SPHKAP: variants seen among roughly 807,000 people sequenced by gnomAD.
The protein encoded by SPHKAP is SPHK1 interactor, AKAP domain containing, also known as A-kinase anchor protein SPHKAP.
In SPHKAP, 67 loss-of-function variants were observed where a neutral mutation model predicts 137.5. That is an observed-to-expected ratio of 0.49 (90% CI 0.40 to 0.60). SPHKAP has a LOEUF of 0.60. Ranked by LOEUF, SPHKAP falls within the 20% of genes least tolerant of loss-of-function variation. SPHKAP has a pLI of 0.00. For synonymous variants in SPHKAP, 813 were observed against 785.3 expected (o/e 1.04, Z -0.59); for missense variants, 2,097 against 2,069.3 (o/e 1.01, Z -0.26).
At chr2:228,081,174 T>C (rs1352735495) in intron 3 of SPHKAP, among the ~76,000 whole-genome samples, 1 of 152,240 alleles carries the variant, frequency 6.6e-6, no homozygotes, top group East Asian at 1.9e-4. Context: ...ATGTTCACCT[T>C]ATCTTATGTA....
intron 1 of SPHKAP, among the ~76,000 whole-genome samples, chr2:228,150,224 A>C (rs1307230863): frequency 1.3e-5 from 2 of 152,090 alleles, no homozygotes; most frequent in Non-Finnish European, 2.9e-5. Context: ...CCAACTTTCT[A>C]ATATTTTGGT....
chr2:228,179,744 C>T (rs748760303), intron 1 of SPHKAP, among the ~76,000 whole-genome samples: 1 of 152,142 alleles, frequency 6.6e-6, no homozygotes, highest in Non-Finnish European at 1.5e-5. Flanking sequence ...TTGCTTTGCT[C>T]TTTATAAGGT....
intron 7 of SPHKAP, among the ~76,000 whole-genome samples, chr2:228,011,205 C>T (rs1474897524): frequency 1.3e-5 from 2 of 149,584 alleles, no homozygotes; most frequent in Non-Finnish European, 3.0e-5. Flanking sequence ...TCCTCGTATC[C>T]AGAGCTTGAA....
chr2:227,994,633 C>A (rs942358386), intron 8 of SPHKAP, among the ~76,000 whole-genome samples: 5 of 152,156 alleles, frequency 3.3e-5, no homozygotes, highest in Non-Finnish European at 7.4e-5. Flanking sequence ...CAGGCATATT[C>A]ATGTATTGAA....
At chr2:228,132,843 C>CAAAA (rs1313392929) in intron 1 of SPHKAP, among the ~76,000 whole-genome samples, 2 of 126,264 alleles carry the variant, frequency 1.6e-5, no homozygotes, top group South Asian at 2.5e-4. Flanking sequence ...ACTAAAAATA[C>CAAAA]AAAAAAAAAA....
intron 4 of SPHKAP, chr2:228,025,961 T>C (rs1394102173): frequency 1.5e-6 from 1 of 671,168 alleles, no homozygotes; most frequent in Non-Finnish European, 1.8e-6. Flanking sequence ...CCACGTGTTG[T>C]GGGAGGGACC....
At chr2:228,084,351 G>A (rs1574834701) in intron 3 of SPHKAP, among the ~76,000 whole-genome samples, 1 of 152,058 alleles carries the variant, frequency 6.6e-6, no homozygotes, top group Non-Finnish European at 1.5e-5. Flanking sequence ...ACTACAAACC[G>A]AAAGGTCATC....
Position 228,016,599 on chromosome 2 carries a change from G to A in SPHKAP, c.4255C>T (p.Arg1419Ter), listed in dbSNP as rs752474867. The change falls in exon 7 of 12, where the codon CGA (arginine) becomes TGA (stop). Residue 1419 changes from arginine (R) to a stop codon, truncating the protein, a stop_gained. Transcript: ENST00000392056. LOFTEE classifies it high-confidence loss of function. ...GGCACTTCCCTCGAGCAAAGTGATC[G>A]CCTTTTGTGGTTTATTGGTACAGGG... Reference protein sequence around the residue: ...QDPVPINHKRRSLCSREVPLI... With the variant: ...QDPVPINHKR The A allele has an allele frequency of 5.0e-6, 8 of 1,613,884 alleles. No individual in the cohort carries two copies. Among genetic ancestry groups the A allele is most frequent in the Non-Finnish European group, 6.8e-6 (8 of 1,179,988 alleles).
chr2:228,010,354 C>T (rs1217359980), intron 7 of SPHKAP, among the ~76,000 whole-genome samples: 1 of 152,060 alleles, frequency 6.6e-6, no homozygotes, highest in Non-Finnish European at 1.5e-5. Context: ...TGGTGAAACC[C>T]CGTCTCTACT....
At chr2:228,143,294 T>C (rs555865997) in intron 1 of SPHKAP, among the ~76,000 whole-genome samples, 2 of 152,014 alleles carry the variant, frequency 1.3e-5, no homozygotes, top group Non-Finnish European at 2.9e-5. Flanking sequence ...GTAATCTCAG[T>C]GCTTTGGGAG....
At position 228,025,369 on chromosome 2, in the gene SPHKAP, G is replaced by C; in HGVS notation, c.441+25C>G. 4 of 1,612,632 alleles carry C rather than the reference G, an allele frequency of 2.5e-6. No homozygotes were observed. The South Asian group carries it at 4.4e-5, about 18-fold the overall frequency. On this transcript the variant is annotated intron_variant, in intron 5 of 11. Coordinates refer to ENST00000392056, the MANE Select transcript of SPHKAP (RefSeq NM_001142644.2). Reference sequence around the variant, plus strand: ...GAGCTAACTATAGATGTAAGTAAATGGCTTATCAAGAACTTATGTCTTACC... The same window carrying C: ...GAGCTAACTATAGATGTAAGTAAATCGCTTATCAAGAACTTATGTCTTACC...
At chr2:228,122,775 T>C (rs1458336864) in intron 2 of SPHKAP, among the ~76,000 whole-genome samples, 2 of 152,314 alleles carry the variant, frequency 1.3e-5, no homozygotes, top group East Asian at 1.9e-4. Flanking sequence ...CTGATGTTGA[T>C]GTGGCTCAGG....
At chr2:228,130,924 A>T (rs1699230523) in intron 2 of SPHKAP, among the ~76,000 whole-genome samples, 1 of 152,134 alleles carries the variant, frequency 6.6e-6, no homozygotes, top group African/African-American at 2.4e-5. Context: ...GTTTTTTCAC[A>T]TTTGGTTATG....
At chr2:228,172,336 G>C (rs1352329320) in intron 1 of SPHKAP, among the ~76,000 whole-genome samples, 1 of 152,168 alleles carries the variant, frequency 6.6e-6, no homozygotes, top group Non-Finnish European at 1.5e-5. Context: ...GTCTCTAGGA[G>C]AAGCCTACAG....
chr2:228,092,290 T>TATGTGCACACAC lies in SPHKAP; in HGVS notation c.246+16541_246+16542insGTGTGTGCACAT, dbSNP rs1280874393. ...ACACACACACGTGTATGTGCGTGTATACGTGCACACACACGTGTATGTGTG... is the reference window on the plus strand; with the variant it reads ...ACACACACACGTGTATGTGCGTGTATATGTGCACACACACGTGCACACACACGTGTATGTGTG... On this transcript the variant is annotated intron_variant, in intron 3 of 11. Coordinates refer to ENST00000392056, the MANE Select transcript of SPHKAP (RefSeq NM_001142644.2). Among the ~76,000 whole-genome samples the TATGTGCACACAC allele has an allele frequency of 4.9e-5, 7 of 143,094 alleles. 1 individual carries two copies. The highest frequency in any genetic ancestry group is 2.8e-4 in the Admixed American group (4 of 14,512). The allele number at this position is 143,094 out of a possible 152,430, so 93.9% of individuals were successfully genotyped here.
intron 2 of SPHKAP, among the ~76,000 whole-genome samples, chr2:228,121,142 C>A (rs1276410691): frequency 6.6e-6 from 1 of 152,140 alleles, no homozygotes; most frequent in Non-Finnish European, 1.5e-5. Flanking sequence ...TGCCACTAGA[C>A]AAAGGGACAA....
chr2:228,093,858 T>TAAAA (rs1697891529), intron 3 of SPHKAP, among the ~76,000 whole-genome samples: 2 of 33,788 alleles, frequency 5.9e-5, no homozygotes, highest in African/African-American at 1.1e-4. Flanking sequence ...AGACTCCGTT[T>TAAAA]CAAAAAAAAA....
chr2:228,008,294 G>A (rs1021991941), intron 7 of SPHKAP, among the ~76,000 whole-genome samples: 1 of 137,414 alleles, frequency 7.3e-6, no homozygotes, highest in African/African-American at 2.7e-5. Context: ...TCTTCTAGGA[G>A]TTTTTTTTTT....
Position 228,132,843 on chromosome 2 carries a change from C to CAAAAAAA in SPHKAP, c.33-765_33-759dup, listed in dbSNP as rs1313392929. Among the ~76,000 whole-genome samples, 242 of 126,184 alleles carry CAAAAAAA rather than the reference C, an allele frequency of 1.9e-3. 1 individual carries two copies. The highest frequency in any genetic ancestry group is 5.4e-3 in the African/African-American group (186 of 34,720). 82.8% of individuals were successfully genotyped at this position (126,184 alleles called of 152,430 possible). On this transcript the variant is annotated intron_variant, in intron 1 of 11. Coordinates refer to ENST00000392056, the MANE Select transcript of SPHKAP (RefSeq NM_001142644.2). The stretch of plus-strand genomic sequence containing the variant: ...TGAAACCCTGTTTCTACTAAAAATA[C>CAAAAAAA]AAAAAAAAAAATAAGCCAGGTGTGG...
Sources: allele counts gnomAD v4.1 joint callset (sites outside exome capture counted in the v4.1 genomes callset), GRCh38; gene constraint gnomAD v4.1.1; transcripts MANE v1.5; gene names NCBI Gene and HGNC (gene_info 2026-07-23, HGNC 2026-07-21).